Variants in UNC79 observed in about 807,000 individuals in gnomAD.
UNC79 encodes the protein unc-79 subunit of NALCN channel complex, also known as protein unc-79 homolog.
In UNC79, 37 loss-of-function variants were observed where a neutral mutation model predicts 283.1. The ratio of observed to expected loss-of-function variants is 0.13; its 90% confidence interval spans 0.10 to 0.17. The LOEUF (loss-of-function observed/expected upper bound fraction) is 0.17. UNC79 is among the 10% of genes least tolerant of loss of function. The probability of loss-of-function intolerance (pLI) is 1.00; values close to 1 mark genes in which losing one functional copy is unlikely to be tolerated. For synonymous variants in UNC79, 1,107 were observed against 1,200.2 expected, an observed-to-expected ratio of 0.92 and a Z score of 1.61; for missense variants, 2,272 against 3,211.1, an observed-to-expected ratio of 0.71 and a Z score of 7.07.
intron 23 of UNC79, 92 bp from the exon 24 acceptor site, chr14:93,597,267 G>A: frequency 1.4e-6 from 2 of 1,385,114 alleles, no homozygotes; most frequent in Non-Finnish European, 2.0e-6. Flanking sequence ...TTGTCTGTGA[G>A]TTCAGTTCTC....
intron 26 of UNC79, among the ~76,000 whole-genome samples, chr14:93,606,650 C>T (rs1242703879): frequency 6.6e-6 from 1 of 151,502 alleles, no homozygotes; most frequent in African/African-American, 2.4e-5. Flanking sequence ...AAGCAGATTC[C>T]CCTTTATACA....
chr14:93,574,320 G>A (rs1244485799), intron 16 of UNC79, among the ~76,000 whole-genome samples: 1 of 152,166 alleles, frequency 6.6e-6, no homozygotes, highest in Non-Finnish European at 1.5e-5. Flanking sequence ...TCTATTTGGA[G>A]GATAGAGTGG....
chr14:93,407,337 A>G (rs2055246548), intron 1 of UNC79, among the ~76,000 whole-genome samples: 1 of 152,188 alleles, frequency 6.6e-6, no homozygotes, highest in South Asian at 2.1e-4. Context: ...AGAAGCCTCT[A>G]AATGCAATAC....
intron 41 of UNC79, among the ~76,000 whole-genome samples, chr14:93,679,100 A>G (rs1035475313): frequency 6.6e-6 from 1 of 152,152 alleles, no homozygotes; most frequent in African/African-American, 2.4e-5. Context: ...ATAAGTGATA[A>G]CTCCCACCAT....
chr14:93,470,182 T>G (rs1234986470), intron 2 of UNC79, among the ~76,000 whole-genome samples: 1 of 152,178 alleles, frequency 6.6e-6, no homozygotes. Context: ...TGGTTTTTTT[T>G]TGGTTAAAAT....
chr14:93,565,198 C>G (rs1224511074), intron 14 of UNC79, among the ~76,000 whole-genome samples: 1 of 152,228 alleles, frequency 6.6e-6, no homozygotes, highest in Non-Finnish European at 1.5e-5. Flanking sequence ...TACAATCTTC[C>G]TGGACGTAGT....
At chr14:93,353,540 A>G (rs550721229) in intron 1 of UNC79, among the ~76,000 whole-genome samples, 1 of 152,260 alleles carries the variant, frequency 6.6e-6, no homozygotes, top group African/African-American at 2.4e-5. Flanking sequence ...TCCTTGAGTA[A>G]CTTCAGTTAC....
chr14:93,491,586 C>T (rs2058727604), intron 5 of UNC79, among the ~76,000 whole-genome samples: 1 of 152,102 alleles, frequency 6.6e-6, no homozygotes, highest in African/African-American at 2.4e-5. Context: ...CAAGTGTCCT[C>T]ATCTATAAAA....
At position 93,558,554 on chromosome 14, in the gene UNC79, T is replaced by TAA. The variant is rs563152046; in HGVS notation, c.1756-13326_1756-13325dup. ...CTGGGGGACAGAGCAAGACTCCATT[T>TAA]AAAAAAAAAAAAAAATCTTGTAGAG... On this transcript the variant is annotated intron_variant, in intron 14 of 48. Transcript: ENST00000555664. Among the ~76,000 whole-genome samples the TAA allele has an allele frequency of 9.2e-4, 116 of 126,428 alleles. 1 individual carries two copies. Among genetic ancestry groups the TAA allele is most frequent in the African/African-American group, 3.4e-3 (112 of 33,172 alleles). 82.9% of individuals were successfully genotyped at this position (126,428 alleles called of 152,430 possible).
At chr14:93,369,678 C>T (rs893856002) in intron 1 of UNC79, among the ~76,000 whole-genome samples, 1 of 152,178 alleles carries the variant, frequency 6.6e-6, no homozygotes, top group African/African-American at 2.4e-5. Context: ...GTGAGTTTTA[C>T]CTCTAGGCAG....
chr14:93,692,085 T>A (rs907028090), intron 46 of UNC79, 139 bp downstream of exon 49: 5 of 991,898 alleles, frequency 5.0e-6, no homozygotes, highest in Non-Finnish European at 7.4e-6. Flanking sequence ...CCTTATAAGC[T>A]GGATGTTCTG....
intron 1 of UNC79, 107 bp from the exon 2 acceptor site, chr14:93,467,564 T>G: frequency 1.7e-6 from 2 of 1,161,072 alleles, no homozygotes; most frequent in African/African-American, 1.6e-5. Context: ...TGTAATCATT[T>G]TTAAAAATGA....
intron 30 of UNC79, among the ~76,000 whole-genome samples, chr14:93,623,825 G>C (rs556364751): frequency 6.6e-6 from 1 of 152,174 alleles, no homozygotes; most frequent in Non-Finnish European, 1.5e-5. Flanking sequence ...CCTGGGAGGC[G>C]GAGGTTACAG....
Position 93,617,331 on chromosome 14 carries a change from G to A in UNC79, c.4224+27G>A. 1 of 1,610,058 alleles carries A rather than the reference G, an allele frequency of 6.2e-7. No homozygotes were observed. The highest frequency in any genetic ancestry group is 8.5e-7 in the Non-Finnish European group (1 of 1,177,716). On this transcript the variant is annotated intron_variant, in intron 28 of 48. Transcript: ENST00000555664. The surrounding 1 kb of genome is among the most constrained non-coding windows in gnomAD (Gnocchi z 4.5). ...TGAGCTGGGTGGTCACTGCTGTTTT[G>A]GATGCAATGGTTCTCTTAGAGAGCA...
chr14:93,699,613 T>C (rs929300745), intron 47 of UNC79, among the ~76,000 whole-genome samples: 1 of 152,214 alleles, frequency 6.6e-6, no homozygotes, highest in Non-Finnish European at 1.5e-5. Flanking sequence ...GTTTATAGTA[T>C]ATATTTTTAA....
At chr14:93,566,168 T>C (rs183791161) in intron 14 of UNC79, among the ~76,000 whole-genome samples, 4,194 of 152,112 alleles carry the variant, frequency 0.028, 207 homozygotes, top group African/African-American at 0.096. Flanking sequence ...AGCCTCCCGC[T>C]TGGGAGAGAA....
intron 5 of UNC79, among the ~76,000 whole-genome samples, chr14:93,491,482 G>C (rs914249175): frequency 6.6e-6 from 1 of 152,012 alleles, no homozygotes; most frequent in Non-Finnish European, 1.5e-5. Context: ...AGTAAAGCAG[G>C]GTGCTTTGAG....
At chr14:93,426,360 C>T (rs2055725166), upstream of UNC79, among the ~76,000 whole-genome samples, 1 of 151,334 alleles carries the variant, frequency 6.6e-6, no homozygotes, top group Non-Finnish European at 1.5e-5. Flanking sequence ...CTTTTTATAT[C>T]TGTAAATTTT....
At chr14:93,431,850 G>T (rs986077942) in intron 1 of UNC79, among the ~76,000 whole-genome samples, 1 of 152,178 alleles carries the variant, frequency 6.6e-6, no homozygotes, top group Non-Finnish European at 1.5e-5. Flanking sequence ...CTGTCTTATT[G>T]CAGTGCGCAC....
Sources: allele counts gnomAD v4.1 joint callset (sites outside exome capture counted in the v4.1 genomes callset), GRCh38; gene constraint gnomAD v4.1.1; non-coding constraint Gnocchi (gnomAD v3.1); transcripts MANE v1.5; gene names NCBI Gene and HGNC (gene_info 2026-07-23, HGNC 2026-07-21).